Variants in ARK2C observed in about 807,000 individuals in gnomAD.
ARK2C encodes arkadia (RNF111) C-terminal like ring finger ubiquitin ligase 2C.
At chr18:46,382,810 G>T in the ARK2C span, among the ~76,000 whole-genome samples, 3 of 152,198 alleles carry the variant, frequency 2.0e-5, no homozygotes, top group Admixed American at 2.0e-4. Flanking sequence ...GACTATGCAG[G>T]TTTCAAACAT....
At chr18:46,424,962 C>T in the ARK2C span, among the ~76,000 whole-genome samples, 55 of 152,338 alleles carry the variant, frequency 3.6e-4, no homozygotes, top group African/African-American at 1.3e-3. Context: ...AGCGCTGAAC[C>T]CCGGCTCTTG....
the ARK2C span, among the ~76,000 whole-genome samples, chr18:46,353,661 C>T: frequency 0.032 from 4,868 of 152,242 alleles, 255 homozygotes; most frequent in African/African-American, 0.11. Flanking sequence ...GCCCTGGAGA[C>T]GCATGCTGCT....
chr18:46,451,472 T>C, the ARK2C span, among the ~76,000 whole-genome samples: 1 of 152,108 alleles, frequency 6.6e-6, no homozygotes, highest in Non-Finnish European at 1.5e-5. Flanking sequence ...CAGTGGCACA[T>C]CCAGATAATG....
the ARK2C span, among the ~76,000 whole-genome samples, chr18:46,383,016 C>T: frequency 3.9e-5 from 6 of 152,264 alleles, no homozygotes; most frequent in African/African-American, 1.2e-4. Flanking sequence ...ACCTCATGCA[C>T]CCCCTAGCCT....
At chr18:46,392,946 GA>G in the ARK2C span, among the ~76,000 whole-genome samples, 1 of 152,012 alleles carries the variant, frequency 6.6e-6, no homozygotes, top group Non-Finnish European at 1.5e-5. Flanking sequence ...AAACACCATG[GA>G]AACCCAAGAC....
At chr18:46,441,625 A>C in the ARK2C span, among the ~76,000 whole-genome samples, 1 of 152,150 alleles carries the variant, frequency 6.6e-6, no homozygotes, top group East Asian at 1.9e-4. Flanking sequence ...GCGGTGGCTC[A>C]TGCCTGTAAT....
chr18:46,355,441 G>A, the ARK2C span, among the ~76,000 whole-genome samples: 1 of 152,270 alleles, frequency 6.6e-6, no homozygotes, highest in East Asian at 1.9e-4. Flanking sequence ...GCTCTGGTGA[G>A]GATCACAGGA....
chr18:46,339,918 C>T, the ARK2C span, among the ~76,000 whole-genome samples: 1 of 152,342 alleles, frequency 6.6e-6, no homozygotes, highest in African/African-American at 2.4e-5. Flanking sequence ...AAGTATCCTG[C>T]AGTAGCACAT....
chr18:46,415,078 G>A, the ARK2C span, among the ~76,000 whole-genome samples: 27 of 152,310 alleles, frequency 1.8e-4, no homozygotes, highest in East Asian at 3.5e-3. Flanking sequence ...CAGCCTGTGC[G>A]CTGCTGCAGT....
chr18:46,372,638 G>T, the ARK2C span, among the ~76,000 whole-genome samples: 1 of 152,192 alleles, frequency 6.6e-6, no homozygotes, highest in African/African-American at 2.4e-5. Flanking sequence ...GGCCTAAGGG[G>T]TTGGGGGTCT....
At chr18:46,454,774 T>G in the ARK2C span, among the ~76,000 whole-genome samples, 1 of 152,198 alleles carries the variant, frequency 6.6e-6, no homozygotes, top group Non-Finnish European at 1.5e-5. Flanking sequence ...GAATGAGTAA[T>G]TTTCTTCTTA....
chr18:46,373,394 G>C, the ARK2C span, among the ~76,000 whole-genome samples: 28 of 152,216 alleles, frequency 1.8e-4, no homozygotes, highest in Admixed American at 1.8e-3. Context: ...GAGGGACTGG[G>C]CAAGAGTCAC....
At chr18:46,431,932 A>T in the ARK2C span, among the ~76,000 whole-genome samples, 1 of 151,624 alleles carries the variant, frequency 6.6e-6, no homozygotes, top group African/African-American at 2.4e-5. Context: ...CAATTTCTCA[A>T]CTCTGCTAAT....
chr18:46,450,814 A>G, the ARK2C span: 1 of 1,597,744 alleles, frequency 6.3e-7, no homozygotes, highest in Non-Finnish European at 8.6e-7. Context: ...GTCTGCCAGC[A>G]GGCCAGCCTG....
chr18:46,429,126 T>C, the ARK2C span, among the ~76,000 whole-genome samples: 1 of 152,342 alleles, frequency 6.6e-6, no homozygotes, highest in East Asian at 1.9e-4. Context: ...AGCCAGAATC[T>C]ATAAGGCAGA....
the ARK2C span, among the ~76,000 whole-genome samples, chr18:46,371,169 T>C: frequency 6.6e-6 from 1 of 152,052 alleles, no homozygotes; most frequent in African/African-American, 2.4e-5. Flanking sequence ...ATGAGAACAG[T>C]ACAGGGGAAA....
the ARK2C span, among the ~76,000 whole-genome samples, chr18:46,400,421 G>T: frequency 6.6e-6 from 1 of 152,220 alleles, no homozygotes; most frequent in Non-Finnish European, 1.5e-5. Flanking sequence ...CCTTCTGGCT[G>T]TTGGGAGAGT....
chr18:46,334,425 C>G, the ARK2C span: 1 of 1,119,610 alleles, frequency 8.9e-7, no homozygotes, highest in Non-Finnish European at 1.2e-6. This position sits in a 1 kb window ranked among gnomAD's most constrained non-coding sequence, Gnocchi z 4.4. Flanking sequence ...GCCGGGGGCT[C>G]AGGGCACACC....
the ARK2C span, among the ~76,000 whole-genome samples, chr18:46,452,312 C>A: frequency 6.6e-6 from 1 of 152,184 alleles, no homozygotes; most frequent in Admixed American, 6.5e-5. Flanking sequence ...CAGAATCTTG[C>A]TCTGTTGCCC....
Sources: allele counts gnomAD v4.1 joint callset (sites outside exome capture counted in the v4.1 genomes callset), GRCh38; gene constraint gnomAD v4.1.1; non-coding constraint Gnocchi (gnomAD v3.1); transcripts MANE v1.5; gene names NCBI Gene and HGNC (gene_info 2026-07-23, HGNC 2026-07-21).